The following GALNT14 variants were observed in gnomAD, a reference collection of about 807,000 sequenced individuals.
GALNT14 encodes UDP-GalNAc:polypeptide N-acetylgalactosaminyltransferase 14.
In GALNT14, 60 loss-of-function variants were observed where a neutral mutation model predicts 77.5. The observed-to-expected ratio is 0.77, with a 90% confidence interval of 0.63 to 0.96. The LOEUF (loss-of-function observed/expected upper bound fraction) is 0.96. Ranked by LOEUF, GALNT14 falls within the 40% of genes least tolerant of loss-of-function variation. The probability of loss-of-function intolerance (pLI) is 0.00; values close to 1 mark genes in which losing one functional copy is unlikely to be tolerated. For missense variants in GALNT14, 710 were observed against 731.0 expected, an observed-to-expected ratio of 0.97 and a Z score of 0.33; for synonymous variants, 280 against 281.7, an observed-to-expected ratio of 0.99 and a Z score of 0.06.
At chr2:31,060,227 T>A (rs976897678) in intron 1 of GALNT14, among the ~76,000 whole-genome samples, 3 of 152,204 alleles carry the variant, frequency 2.0e-5, no homozygotes, top group Non-Finnish European at 4.4e-5. Flanking sequence ...TCTGCCAGGC[T>A]GAGCAGAATC....
chr2:31,011,129 G>C (rs1671002650), intron 1 of GALNT14, among the ~76,000 whole-genome samples: 1 of 152,230 alleles, frequency 6.6e-6, no homozygotes, highest in South Asian at 2.1e-4. Flanking sequence ...CTCTCCTCCA[G>C]TTACTGTCTC....
At chr2:31,079,177 A>T in intron 1 of GALNT14, 6 of 613,918 alleles carry the variant, frequency 9.8e-6, no homozygotes, top group Non-Finnish European at 1.4e-5. Context: ...GCTCCACATC[A>T]GTGTGGAAGT....
intron 1 of GALNT14, among the ~76,000 whole-genome samples, chr2:31,121,030 C>T (rs1678386106): frequency 6.6e-6 from 1 of 152,200 alleles, no homozygotes; most frequent in African/African-American, 2.4e-5. Context: ...AGCCTCTGTG[C>T]TTGGTGTACA....
At position 31,111,519 on chromosome 2, in the gene GALNT14, C is replaced by T. The variant is rs781351175; in HGVS notation, c.129+26439G>A. ...AACTAGGGATACTTTCCTATAAGCC[C>T]CCTGTGTGGCTTTTACCCATGGCTT... On this transcript the variant is annotated intron_variant, in intron 1 of 14. Transcript: ENST00000349752. Among the ~76,000 whole-genome samples the T allele has an allele frequency of 2.1e-4, 32 of 152,194 alleles. 1 individual carries two copies. The highest frequency in any genetic ancestry group is 6.2e-4 in the South Asian group (3 of 4,816).
chr2:31,045,392 TTC>T (rs1232486612), intron 1 of GALNT14, among the ~76,000 whole-genome samples: 2 of 152,210 alleles, frequency 1.3e-5, no homozygotes, highest in African/African-American at 2.4e-5. Flanking sequence ...TCTTTTCAAC[TTC>T]TTTTTTTGGA....
chr2:31,084,347 T>C (rs1676306500), intron 1 of GALNT14, among the ~76,000 whole-genome samples: 1 of 152,090 alleles, frequency 6.6e-6, no homozygotes, highest in Non-Finnish European at 1.5e-5. Context: ...AAGACATGGG[T>C]CAGGACAGGT....
chr2:30,905,143 A>C, the GALNT14 span, among the ~76,000 whole-genome samples: 1 of 152,036 alleles, frequency 6.6e-6, no homozygotes, highest in East Asian at 1.9e-4. Flanking sequence ...AAACTCTAAA[A>C]AGCAGAGCGC....
chr2:30,977,862 T>C (rs550979583), intron 2 of GALNT14, among the ~76,000 whole-genome samples: 98 of 131,368 alleles, frequency 7.5e-4, no homozygotes, highest in African/African-American at 2.7e-3. Context: ...CTTTTTTATA[T>C]CACCAAGCCT....
chr2:30,906,684 A>G (rs922994383), downstream of GALNT14, among the ~76,000 whole-genome samples: 49 of 152,114 alleles, frequency 3.2e-4, no homozygotes, highest in Non-Finnish European at 5.6e-4. Context: ...CCCAGGAATT[A>G]AACTCAGCTC....
chr2:30,925,977 G>A (rs376457056), intron 11 of GALNT14, among the ~76,000 whole-genome samples: 11 of 152,096 alleles, frequency 7.2e-5, no homozygotes, highest in South Asian at 2.1e-4. Flanking sequence ...CACACCTCTC[G>A]GCACCCACCT....
the GALNT14 span, among the ~76,000 whole-genome samples, chr2:30,903,280 G>T: frequency 3.5e-3 from 530 of 152,350 alleles, 15 homozygotes; most frequent in East Asian, 0.065. Flanking sequence ...GAATATAACA[G>T]TTCCTGTGGT....
chr2:30,914,265 C>G (rs967049924), intron 13 of GALNT14, among the ~76,000 whole-genome samples: 1 of 152,214 alleles, frequency 6.6e-6, no homozygotes, highest in Admixed American at 6.5e-5. Flanking sequence ...GGCCCCCACA[C>G]CAACTTTCTC....
Position 30,924,178 on chromosome 2 carries a change from T to C in GALNT14, c.1321A>G (p.Thr441Ala). ...LESQRQNNQETPNLKLSPCAK... is the reference protein window; with the variant it reads ...LESQRQNNQEAPNLKLSPCAK... ...CAGGGGCTCAACTTTAGGTTTGGGG[T>C]TTCTTGGTTGTTCTGCCTTTGAGAT... Residue 441 changes from threonine (T) to alanine (A), a missense_variant, in exon 13 of 15, where the codon ACC becomes GCC. Transcript: ENST00000349752. The C allele has an allele frequency of 6.2e-7, 1 of 1,614,104 alleles. No homozygotes were observed. Among genetic ancestry groups the C allele is most frequent in the Non-Finnish European group, 8.5e-7 (1 of 1,180,030 alleles).
intron 2 of GALNT14, among the ~76,000 whole-genome samples, chr2:30,972,875 A>G (rs573076415): frequency 6.9e-4 from 105 of 152,340 alleles, no homozygotes; most frequent in African/African-American, 2.4e-3. Context: ...TGCCACGGGT[A>G]CATCCTAAAC....
At chr2:30,887,591 T>C in the GALNT14 span, among the ~76,000 whole-genome samples, 1 of 152,210 alleles carries the variant, frequency 6.6e-6, no homozygotes, top group Non-Finnish European at 1.5e-5. Flanking sequence ...AGTTGTAAAA[T>C]AAAAGTTCTT....
At chr2:31,062,896 T>C (rs1327190876) in intron 1 of GALNT14, among the ~76,000 whole-genome samples, 1 of 152,194 alleles carries the variant, frequency 6.6e-6, no homozygotes, top group African/African-American at 2.4e-5. Context: ...TTCACCCACT[T>C]TTTGATAGGG....
chr2:30,908,771 A>G (rs1477015821), downstream of GALNT14, among the ~76,000 whole-genome samples: 318 of 137,834 alleles, frequency 2.3e-3, 3 homozygotes, highest in African/African-American at 8.9e-3. Flanking sequence ...AGCCAAAAGA[A>G]CAAAGCTGGA....
intron 1 of GALNT14, among the ~76,000 whole-genome samples, chr2:30,994,948 A>T (rs1669931553): frequency 6.6e-6 from 1 of 152,186 alleles, no homozygotes; most frequent in Non-Finnish European, 1.5e-5. Context: ...CTATGAGAGC[A>T]GAGGAGTGAG....
intron 6 of GALNT14, among the ~76,000 whole-genome samples, chr2:30,952,887 C>T (rs542811099): frequency 2.4e-4 from 36 of 152,280 alleles, no homozygotes; most frequent in African/African-American, 6.7e-4. Context: ...CCTACTCCAT[C>T]CCCTGCCAAG....
Sources: allele counts gnomAD v4.1 joint callset (sites outside exome capture counted in the v4.1 genomes callset), GRCh38; gene constraint gnomAD v4.1.1; transcripts MANE v1.5; gene names NCBI Gene and HGNC (gene_info 2026-07-23, HGNC 2026-07-21).